SLC39A11: variants seen among roughly 807,000 people sequenced by gnomAD.
The protein encoded by SLC39A11 is zinc transporter ZIP11.
Under a neutral mutation model 36.1 loss-of-function variants are expected in SLC39A11, and 33 were observed. The ratio of observed to expected loss-of-function variants is 0.91; its 90% CI spans 0.69 to 1.22. SLC39A11 has a LOEUF of 1.22. Among genes scored for constraint, SLC39A11 ranks in the 50% most tolerant of loss-of-function variants. The probability of loss-of-function intolerance (pLI) is 0.00; values close to 1 mark genes in which losing one functional copy is unlikely to be tolerated. For missense variants in SLC39A11, 432 were observed against 430.3 expected (o/e 1.00, Z -0.03); for synonymous variants, 166 against 170.3 (o/e 0.97, Z 0.20).
intron 4 of SLC39A11, among the ~76,000 whole-genome samples, chr17:72,998,971 A>G (rs1468684959): frequency 6.6e-6 from 1 of 152,248 alleles, no homozygotes; most frequent in Non-Finnish European, 1.5e-5. Context: ...GTGAGAGTGA[A>G]GCACATACCA....
intron 6 of SLC39A11, among the ~76,000 whole-genome samples, chr17:72,764,531 G>T (rs763943122): frequency 1.3e-5 from 2 of 152,106 alleles, no homozygotes; most frequent in African/African-American, 2.4e-5. Context: ...TACAGTTCCA[G>T]GCCTTGTGTA....
intron 4 of SLC39A11, among the ~76,000 whole-genome samples, chr17:72,998,587 G>C (rs542959395): frequency 6.6e-6 from 1 of 152,184 alleles, no homozygotes; most frequent in East Asian, 1.9e-4. Context: ...AAACAAAGAC[G>C]TGATAGGAAT....
chr17:73,039,590 T>C (rs2059040136), intron 3 of SLC39A11, among the ~76,000 whole-genome samples: 1 of 152,244 alleles, frequency 6.6e-6, no homozygotes, highest in Non-Finnish European at 1.5e-5. Flanking sequence ...ATTTTTACAG[T>C]AATTTTTAGC....
intron 6 of SLC39A11, among the ~76,000 whole-genome samples, chr17:72,759,096 A>T (rs1172880922): frequency 7.8e-6 from 1 of 128,984 alleles, no homozygotes; most frequent in Admixed American, 8.5e-5. Flanking sequence ...GTGAGATTTC[A>T]TCTAAAAATA....
rs966061801 is a variant in SLC39A11 at position 72,698,932 on chromosome 17, G to A, written c.671+37718C>T. Among the ~76,000 whole-genome samples, 15 of 152,248 alleles carry A rather than the reference G, an allele frequency of 9.9e-5. No individual in the cohort carries two copies. In the East Asian group the frequency reaches 1.5e-3, roughly 16 times the overall value. ...TGCAAGCTCTGCTTCCTGGGTTCAC[G>A]CCATTCTCCTGCCTCAGCCTCCCGA... On this transcript the variant is annotated intron_variant, in intron 7 of 9. Transcript: ENST00000255559.
intron 5 of SLC39A11, among the ~76,000 whole-genome samples, chr17:72,916,611 C>T (rs1447554007): frequency 2.0e-5 from 3 of 152,168 alleles, no homozygotes; most frequent in African/African-American, 7.2e-5. Context: ...TCCCCTGCCC[C>T]CCAACCATCC....
At chr17:72,791,564 T>C (rs2076704497) in intron 6 of SLC39A11, among the ~76,000 whole-genome samples, 1 of 152,144 alleles carries the variant, frequency 6.6e-6, no homozygotes, top group South Asian at 2.1e-4. Context: ...CTGTTTTAAG[T>C]CTTTATAGAC....
intron 7 of SLC39A11, among the ~76,000 whole-genome samples, chr17:72,661,092 G>C (rs1455270246): frequency 1.3e-5 from 2 of 152,198 alleles, no homozygotes; most frequent in Non-Finnish European, 2.9e-5. Context: ...AGGGAACTTA[G>C]CTATGGCACG....
At chr17:73,011,825 C>A (rs1156652396) in intron 4 of SLC39A11, among the ~76,000 whole-genome samples, 1 of 151,086 alleles carries the variant, frequency 6.6e-6, no homozygotes, top group East Asian at 2.0e-4. Flanking sequence ...CCATGCCCGG[C>A]TAGTTTTTGT....
intron 6 of SLC39A11, among the ~76,000 whole-genome samples, chr17:72,774,507 C>T (rs561516368): frequency 6.6e-5 from 10 of 152,252 alleles, no homozygotes; most frequent in South Asian, 2.1e-4. Flanking sequence ...ATTAAACTGG[C>T]GAAGGCTTCA....
At chr17:72,942,205 A>G (rs948430423) in intron 5 of SLC39A11, among the ~76,000 whole-genome samples, 1 of 152,002 alleles carries the variant, frequency 6.6e-6, no homozygotes, top group Non-Finnish European at 1.5e-5. Flanking sequence ...GAAGAAACCC[A>G]GGTTACGGGT....
intron 4 of SLC39A11, among the ~76,000 whole-genome samples, chr17:72,973,876 G>T (rs1414156837): frequency 6.6e-6 from 1 of 151,988 alleles, no homozygotes; most frequent in Non-Finnish European, 1.5e-5. Context: ...TGATTCAGTA[G>T]GTACCATGGT....
At position 72,703,321 on chromosome 17, in the gene SLC39A11, T is replaced by G. The variant is rs185950575; in HGVS notation, c.671+33329A>C. Among the ~76,000 whole-genome samples, 34 of 152,310 alleles carry G rather than the reference T, an allele frequency of 2.2e-4. No homozygotes were observed. In the East Asian group the frequency reaches 4.0e-3, roughly 18 times the overall value. On this transcript the variant is annotated intron_variant, in intron 7 of 9. Coordinates refer to ENST00000255559, the MANE Select transcript of SLC39A11 (RefSeq NM_139177.4). ...ATCCCTCTACACTCAAGTTCCAACT[T>G]GCAGAAATTTTTATAGCCAAGTAAT... is the stretch of plus-strand genomic sequence containing the variant.
chr17:73,020,649 T>C (rs193005463), intron 4 of SLC39A11, among the ~76,000 whole-genome samples: 1 of 151,722 alleles, frequency 6.6e-6, no homozygotes, highest in African/African-American at 2.4e-5. Context: ...AACAATGCTT[T>C]TGGGTTTTTG....
chr17:73,087,886 C>A (rs908442001), intron 2 of SLC39A11, among the ~76,000 whole-genome samples: 2 of 152,166 alleles, frequency 1.3e-5, no homozygotes, highest in African/African-American at 4.8e-5. Context: ...GGAACAGATG[C>A]CCCTTCTTCT....
chr17:72,739,043 C>A (rs1267263503), intron 6 of SLC39A11, among the ~76,000 whole-genome samples: 1 of 151,840 alleles, frequency 6.6e-6, no homozygotes, highest in African/African-American at 2.4e-5. Flanking sequence ...CTTTTTTTTG[C>A]CTAATTTTAC....
At chr17:72,857,493 A>T (rs1160237296) in intron 5 of SLC39A11, among the ~76,000 whole-genome samples, 4 of 152,192 alleles carry the variant, frequency 2.6e-5, no homozygotes, top group Non-Finnish European at 5.9e-5. Context: ...CTTTGGGTAT[A>T]AACCCAGTAA....
rs145137949 is a variant in SLC39A11 at position 73,048,587 on chromosome 17, T to C, written c.148-16873A>G. ...ATTGCTGGGTCAAACGGTAGCTCTGTTTTAAGCTCTTTGAGAAATTGCCAA... is the reference window on the plus strand; with the variant it reads ...ATTGCTGGGTCAAACGGTAGCTCTGCTTTAAGCTCTTTGAGAAATTGCCAA... On this transcript the variant is annotated intron_variant, in intron 3 of 9. Transcript: ENST00000255559. Among the ~76,000 whole-genome samples, 186 of 152,284 alleles carry C rather than the reference T, an allele frequency of 1.2e-3. 1 individual carries two copies. Among genetic ancestry groups the C allele is most frequent in the African/African-American group, 4.3e-3 (177 of 41,548 alleles).
chr17:72,840,871 C>T (rs765372521), intron 6 of SLC39A11, among the ~76,000 whole-genome samples: 12 of 151,322 alleles, frequency 7.9e-5, no homozygotes, highest in African/African-American at 1.9e-4. Flanking sequence ...CTGGCTAACA[C>T]GGTGAAACCC....
Sources: gnomAD v4.1 joint callset for allele counts (sites outside exome capture counted in the v4.1 genomes callset) on GRCh38, gnomAD v4.1.1 for gene constraint, MANE v1.5 for transcripts, NCBI Gene and HGNC (gene_info 2026-07-23, HGNC 2026-07-21) for gene names.